KDM8: variants seen among roughly 807,000 people sequenced by gnomAD.
KDM8 encodes bifunctional peptidase and arginyl-hydroxylase JMJD5.
A neutral mutation model predicts 46.9 loss-of-function variants in KDM8; 35 were observed. The ratio of observed to expected loss-of-function variants is 0.75; its 90% CI spans 0.57 to 0.99. KDM8 has a LOEUF of 0.99. Among genes scored for constraint, KDM8 ranks in the 50% least tolerant of loss-of-function variants. KDM8 has a pLI of 0.00. For missense variants in KDM8, 475 were observed against 537.0 expected (o/e 0.88, Z 1.14); for synonymous variants, 232 against 227.7 (o/e 1.02, Z -0.17).
At chr16:27,219,609 C>T (rs1567267041) in intron 6 of KDM8, among the ~76,000 whole-genome samples, 1 of 152,182 alleles carries the variant, frequency 6.6e-6, no homozygotes, top group Non-Finnish European at 1.5e-5. Flanking sequence ...TAAAGGAGAA[C>T]GTTCTCCTAC....
At chr16:27,215,163 T>G (rs1486020983) in intron 4 of KDM8, among the ~76,000 whole-genome samples, 155 bp downstream of exon 4, 2 of 152,202 alleles carry the variant, frequency 1.3e-5, no homozygotes. Context: ...GAAGGCAGGC[T>G]GCTTAGCCAG....
At chr16:27,205,501 C>T (rs2083419475) in intron 1 of KDM8, among the ~76,000 whole-genome samples, 1 of 152,180 alleles carries the variant, frequency 6.6e-6, no homozygotes, top group Non-Finnish European at 1.5e-5. Context: ...TAAGCCCACT[C>T]AAGCTGTTTC....
At chr16:27,206,019 G>C (rs1450669070) in intron 1 of KDM8, among the ~76,000 whole-genome samples, 1 of 152,116 alleles carries the variant, frequency 6.6e-6, no homozygotes, top group Non-Finnish European at 1.5e-5. Flanking sequence ...GTTTTTTACT[G>C]ATGCAGACAT....
At chr16:27,205,859 C>T (rs533250652) in intron 1 of KDM8, among the ~76,000 whole-genome samples, 27 of 152,254 alleles carry the variant, frequency 1.8e-4, no homozygotes, top group African/African-American at 5.5e-4. Flanking sequence ...ATAAAAAAAC[C>T]TTCTGTGATC....
chr16:27,212,463 G>A (rs780622984), intron 2 of KDM8, among the ~76,000 whole-genome samples: 50 of 152,328 alleles, frequency 3.3e-4, no homozygotes, highest in Admixed American at 9.2e-4. Context: ...GCCGGGCATG[G>A]TGGCTCACGC....
chr16:27,219,863 C>T (rs112414402), intron 6 of KDM8, among the ~76,000 whole-genome samples: 441 of 152,290 alleles, frequency 2.9e-3, no homozygotes, highest in Non-Finnish European at 5.0e-3. Flanking sequence ...CACAGACAAG[C>T]GCCTAATAAT....
At chr16:27,210,039 C>T (rs1229555274) in intron 1 of KDM8, 54 bp from the exon 2 acceptor site, 13 of 1,496,232 alleles carry the variant, frequency 8.7e-6, no homozygotes, top group Non-Finnish European at 8.9e-6. Flanking sequence ...CGGGAATGCA[C>T]AGGGGATCAG....
At chr16:27,219,225 A>T in intron 6 of KDM8, 115 bp downstream of exon 6, 27 of 1,136,418 alleles carry the variant, frequency 2.4e-5, no homozygotes, top group Middle Eastern at 2.4e-4. Context: ...GAAGCACTGA[A>T]GGGGATGAGG....
chr16:27,216,778 T>C (rs544448957), intron 5 of KDM8, among the ~76,000 whole-genome samples: 1 of 152,252 alleles, frequency 6.6e-6, no homozygotes, highest in Admixed American at 6.5e-5. Flanking sequence ...GTCCTGTCCA[T>C]GTCACTTGCT....
At chr16:27,211,184 G>A (rs150747401) in intron 2 of KDM8, 522 of 448,254 alleles carry the variant, frequency 1.2e-3, no homozygotes, top group Non-Finnish European at 1.9e-3. Context: ...GAGAAACTTC[G>A]TGGTTCCTGA....
At chr16:27,215,256 G>A (rs2083537604) in intron 4 of KDM8, among the ~76,000 whole-genome samples, 1 of 152,240 alleles carries the variant, frequency 6.6e-6, no homozygotes, top group African/African-American at 2.4e-5. Context: ...CCAAAAGTTG[G>A]ACAGCTAAGT....
chr16:27,206,176 TTTC>T (rs2083426579), intron 1 of KDM8: 1 of 975,314 alleles, frequency 1.0e-6, no homozygotes, highest in South Asian at 4.8e-5. Context: ...ACACATCTTT[TTTC>T]TTCTTGCAGG....
intron 6 of KDM8, 147 bp downstream of exon 6, chr16:27,219,257 A>C: frequency 4.6e-6 from 4 of 868,960 alleles, no homozygotes; most frequent in Non-Finnish European, 3.4e-6. Flanking sequence ...AAGCAAACCC[A>C]CAAACGGCCC....
At chr16:27,216,060 T>G in intron 5 of KDM8, 71 bp downstream of exon 5, 1 of 1,537,508 alleles carries the variant, frequency 6.5e-7, no homozygotes, top group East Asian at 2.3e-5. Flanking sequence ...CTGGGCTCAG[T>G]GCGGCTGGAG....
chr16:27,209,927 C>T (rs1178680256), intron 1 of KDM8, among the ~76,000 whole-genome samples, 166 bp from the exon 2 acceptor site: 1 of 152,234 alleles, frequency 6.6e-6, no homozygotes. Context: ...CCTGAAGATA[C>T]AGTGGTGACC....
intron 2 of KDM8, chr16:27,211,074 C>A: frequency 2.2e-6 from 1 of 451,776 alleles, no homozygotes; most frequent in South Asian, 1.6e-5. Flanking sequence ...CCACCGTGCT[C>A]AGCCCCCATT....
chr16:27,204,250 G>A, intron 1 of KDM8: 3 of 1,411,898 alleles, frequency 2.1e-6, no homozygotes, highest in Non-Finnish European at 2.8e-6. Flanking sequence ...AGGACTTAAC[G>A]ATGGGCATCG....
chr16:27,207,015 CA>C lies in KDM8; in HGVS notation c.-31-3076del, dbSNP rs1230334227. On this transcript the variant is annotated intron_variant, in intron 1 of 7. Coordinates refer to ENST00000286096, the MANE Select transcript of KDM8 (RefSeq NM_024773.3). ...CACAACAAACAATTCTTTCCTGGCACAATGAAGAAACCACAGATCGATTTGT... is the reference window on the plus strand; with the variant it reads ...CACAACAAACAATTCTTTCCTGGCACATGAAGAAACCACAGATCGATTTGT... Among the ~76,000 whole-genome samples, 11 of 152,206 alleles carry C rather than the reference CA, an allele frequency of 7.2e-5. 1 individual carries two copies. Among genetic ancestry groups the C allele is most frequent in the Non-Finnish European group, 1.6e-4 (11 of 68,042 alleles).
rs201012033 is a variant in KDM8, at chr16:27,210,491, G to C, written c.368G>C (p.Cys123Ser). Residue 123 changes from cysteine (C) to serine (S), a missense_variant, in exon 2 of 8, where the codon TGT (cysteine) becomes TCT (serine). Cys to Ser is a moderately radical substitution (Grantham distance 112). Coordinates refer to ENST00000286096, the MANE Select transcript of KDM8 (RefSeq NM_024773.3). ...ACTGTGGCCGCAGCCCTGCGGGTCT[G>C]TGACATGGGCCTGCTGATGGGGGCA... Reference protein sequence around the residue: ...ANTVAAALRVCDMGLLMGAAI... With the variant: ...ANTVAAALRVSDMGLLMGAAI... 6.3e-7 allele frequency: 1 copy of C among 1,575,438 alleles called. No homozygotes were observed.
Sources: gnomAD v4.1 joint callset for allele counts (sites outside exome capture counted in the v4.1 genomes callset) on GRCh38, gnomAD v4.1.1 for gene constraint, MANE v1.5 for transcripts, NCBI Gene and HGNC (gene_info 2026-07-23, HGNC 2026-07-21) for gene names.